The following AGPS variants were observed in gnomAD, a reference collection of about 807,000 sequenced individuals.
AGPS encodes alkylglycerone phosphate synthase, also known as alkyldihydroxyacetonephosphate synthase, peroxisomal.
A neutral mutation model predicts 90.7 loss-of-function variants in AGPS; 26 were observed. That is an observed-to-expected ratio of 0.29 (90% CI 0.21 to 0.40). The LOEUF (loss-of-function observed/expected upper bound fraction) is 0.40, where lower values mean the gene tolerates loss of function less well. Among genes scored for constraint, AGPS ranks in the 10% least tolerant of loss-of-function variants. AGPS has a pLI of 1.00. For missense variants in AGPS, 540 were observed against 816.1 expected, an observed-to-expected ratio of 0.66 and a Z score of 4.12; for synonymous variants, 294 against 285.3, an observed-to-expected ratio of 1.03 and a Z score of -0.31.
At chr2:177,444,145 G>A (rs1686695236) in intron 7 of AGPS, among the ~76,000 whole-genome samples, 1 of 152,128 alleles carries the variant, frequency 6.6e-6, no homozygotes, top group African/African-American at 2.4e-5. Context: ...TGTCAGCCAG[G>A]CGTGGTGGCT....
chr2:177,473,615 T>G (rs909761124), intron 10 of AGPS, among the ~76,000 whole-genome samples: 2 of 152,232 alleles, frequency 1.3e-5, no homozygotes, highest in Non-Finnish European at 2.9e-5. Context: ...TTAAGTAGTT[T>G]TATATCACTC....
chr2:177,497,425 T>G lies in AGPS; in HGVS notation c.1286-264T>G, dbSNP rs186587494. On this transcript the variant is annotated intron_variant, in intron 12 of 19. Transcript: ENST00000264167. The stretch of plus-strand genomic sequence containing the variant: ...AACTATGTGTAGTATTAATTACATA[T>G]AGTGATTTGACTTAAAAAATCAAAT... Among the ~76,000 whole-genome samples the G allele has an allele frequency of 3.5e-3, 530 of 152,034 alleles. 4 individuals are homozygous for G. The highest frequency in any genetic ancestry group is 5.5e-3 in the Non-Finnish European group (374 of 67,832).
In AGPS at chr2:177,392,998, C is replaced by T; in HGVS notation, c.209C>T (p.Ala70Val). ...AGAGCCGCGTCGGCGGCCACGGCAG[C>T]GCCCACGGCCACTCCCGCCGCGCAG... is the stretch of plus-strand genomic sequence containing the variant. ...ARRAASAATA[A>V]PTATPAAQES... Residue 70 changes from alanine (A) to valine (V), a missense_variant, in exon 1 of 20, where the codon GCG becomes GTG. This residue lies in a region of AGPS where 135 missense variants were observed against 124.0 expected (regional missense o/e 1.09). Coordinates refer to ENST00000264167, the MANE Select transcript of AGPS (RefSeq NM_003659.4). 1.9e-6 allele frequency: 3 copies of T among 1,550,194 alleles called. No homozygotes were observed. Among genetic ancestry groups the T allele is most frequent in the Non-Finnish European group, 2.6e-6 (3 of 1,146,714 alleles).
chr2:177,518,859 T>C (rs981927163), intron 17 of AGPS, among the ~76,000 whole-genome samples: 1 of 152,068 alleles, frequency 6.6e-6, no homozygotes, highest in African/African-American at 2.4e-5. Context: ...AAGTAGGTTT[T>C]TGAAGAGGAA....
At chr2:177,460,987 C>T (rs573371754) in intron 8 of AGPS, among the ~76,000 whole-genome samples, 1 of 152,306 alleles carries the variant, frequency 6.6e-6, no homozygotes, top group East Asian at 1.9e-4. Flanking sequence ...AACTTTCACA[C>T]CATACTTAAA....
chr2:177,526,910 A>G (rs1313712075), intron 19 of AGPS, among the ~76,000 whole-genome samples: 1 of 152,214 alleles, frequency 6.6e-6, no homozygotes, highest in Non-Finnish European at 1.5e-5. Flanking sequence ...TGGAATAGAT[A>G]TTATTCCTGT....
At chr2:177,499,316 T>C (rs187806214) in intron 13 of AGPS, among the ~76,000 whole-genome samples, 5 of 152,022 alleles carry the variant, frequency 3.3e-5, no homozygotes, top group Admixed American at 6.5e-5. Flanking sequence ...TTCTTTATCA[T>C]AGTTATTATT....
In AGPS at chr2:177,539,025, T is replaced by A. The variant is rs2079208352; in HGVS notation, c.*830T>A. The A allele has an allele frequency of 1.3e-5, 2 of 152,078 alleles. No homozygotes were observed. The highest frequency in any genetic ancestry group is 4.8e-5 in the African/African-American group (2 of 41,438). The allele number at this position is 152,078 out of a possible 1,614,324, so 9.4% of individuals were successfully genotyped here. A position where few individuals can be genotyped will look rare whatever the true frequency, so the allele number is the denominator to read the frequency against. ...AATGTTTCTGATTTCACATTCTTGT[T>A]GCTGAAATGCAGAAGAAACAGCTAC... On this transcript the variant is annotated 3_prime_UTR_variant, in exon 20 of 20. Transcript: ENST00000264167.
In AGPS at chr2:177,538,888, G is replaced by C. The variant is rs2079207273; in HGVS notation, c.*693G>C. ...ATTTGTATCACTGAGATAACCTATTGTTATATTCTAATTCATTGATAATAT... is the reference window on the plus strand; with the variant it reads ...ATTTGTATCACTGAGATAACCTATTCTTATATTCTAATTCATTGATAATAT... On this transcript the variant is annotated 3_prime_UTR_variant, in exon 20 of 20. Coordinates refer to ENST00000264167, the MANE Select transcript of AGPS (RefSeq NM_003659.4). 6.6e-6 allele frequency: 1 copy of C among 151,874 alleles called. No individual in the cohort carries two copies. Among genetic ancestry groups the C allele is most frequent in the Non-Finnish European group, 1.5e-5 (1 of 67,930 alleles). The allele number at this position is 151,874 out of a possible 1,614,324, so 9.4% of individuals were successfully genotyped here. A position where few individuals can be genotyped will look rare whatever the true frequency, so the allele number is the denominator to read the frequency against.
At chr2:177,426,020 A>G (rs1258936415) in intron 2 of AGPS, among the ~76,000 whole-genome samples, 2 of 152,196 alleles carry the variant, frequency 1.3e-5, no homozygotes, top group East Asian at 3.8e-4. Flanking sequence ...CTTCCTATCC[A>G]TGAGCATAGA....
intron 7 of AGPS, among the ~76,000 whole-genome samples, chr2:177,444,572 G>A (rs1686712942): frequency 6.6e-6 from 1 of 152,126 alleles, no homozygotes; most frequent in Non-Finnish European, 1.5e-5. Flanking sequence ...AAGCAGTGCA[G>A]TTATTTGTAT....
At chr2:177,397,446 G>A (rs1383500163) in intron 1 of AGPS, among the ~76,000 whole-genome samples, 3 of 148,480 alleles carry the variant, frequency 2.0e-5, no homozygotes, top group East Asian at 2.0e-4. Context: ...ACACTTTTAC[G>A]TCTTGGTTTT....
At chr2:177,500,449 A>G (rs755148504) in intron 14 of AGPS, among the ~76,000 whole-genome samples, 1 of 151,970 alleles carries the variant, frequency 6.6e-6, no homozygotes, top group Non-Finnish European at 1.5e-5. Flanking sequence ...GCTTAATATT[A>G]GTTCTTTGTA....
intron 1 of AGPS, among the ~76,000 whole-genome samples, 199 bp from the exon 2 acceptor site, chr2:177,420,070 G>A (rs1685902275): frequency 6.6e-6 from 1 of 151,716 alleles, no homozygotes; most frequent in Non-Finnish European, 1.5e-5. Flanking sequence ...TGTGAAGCAG[G>A]TGCTGCTCAT....
chr2:177,505,663 A>AT (rs1248879114), intron 15 of AGPS, 88 bp downstream of exon 15: 29 of 1,198,388 alleles, frequency 2.4e-5, no homozygotes, highest in Non-Finnish European at 3.3e-5. Flanking sequence ...TGTCTTCCCT[A>AT]TTTTTTAAAA....
At chr2:177,481,956 T>G (rs1017368317) in intron 10 of AGPS, 103 bp from the exon 11 acceptor site, 1 of 1,156,716 alleles carries the variant, frequency 8.6e-7, no homozygotes, top group African/African-American at 1.6e-5. Context: ...CTTGATAAAT[T>G]TAAATGTGCA....
chr2:177,435,446 C>T (rs150793077), intron 3 of AGPS, among the ~76,000 whole-genome samples: 5 of 152,216 alleles, frequency 3.3e-5, no homozygotes, highest in African/African-American at 4.8e-5. Context: ...ATACAATCCA[C>T]ATACTATAGT....
At chr2:177,464,595 C>T (rs1687394394) in intron 9 of AGPS, among the ~76,000 whole-genome samples, 2 of 152,118 alleles carry the variant, frequency 1.3e-5, no homozygotes, top group South Asian at 4.1e-4. Flanking sequence ...ATTCTGGTTC[C>T]CACTTGTTTT....
chr2:177,468,722 T>G (rs566969874), intron 10 of AGPS, among the ~76,000 whole-genome samples, 198 bp downstream of exon 10: 1 of 152,060 alleles, frequency 6.6e-6, no homozygotes, highest in Non-Finnish European at 1.5e-5. Context: ...TTTTGCTTTT[T>G]TATGTTTCTA....
Sources: allele counts gnomAD v4.1 joint callset (sites outside exome capture counted in the v4.1 genomes callset), GRCh38; gene constraint gnomAD v4.1.1; regional missense constraint gnomAD v4.1.1; transcripts MANE v1.5; gene names NCBI Gene and HGNC (gene_info 2026-07-23, HGNC 2026-07-21).